Variants in LDLRAD4 observed in about 807,000 individuals in gnomAD.
LDLRAD4 encodes low density lipoprotein receptor class A domain containing 4.
In LDLRAD4, 5 loss-of-function variants were observed where a neutral mutation model predicts 17.0. The ratio of observed to expected loss-of-function variants is 0.29; its 90% CI spans 0.15 to 0.62. The LOEUF is 0.62. Ranked by LOEUF, LDLRAD4 falls within the 20% of genes least tolerant of loss-of-function variation. The pLI is 0.84. For missense variants in LDLRAD4, 340 were observed against 424.7 expected (o/e 0.80, Z 1.75); for synonymous variants, 168 against 171.8 (o/e 0.98, Z 0.17).
intron 1 of LDLRAD4, among the ~76,000 whole-genome samples, chr18:13,320,140 A>G (rs570748017): frequency 9.8e-5 from 15 of 152,380 alleles, no homozygotes; most frequent in African/African-American, 3.4e-4. Context: ...ATATCTGATC[A>G]TAAGATCTTC....
At chr18:13,527,730 G>T (rs375756882) in intron 3 of LDLRAD4, among the ~76,000 whole-genome samples, 2 of 152,164 alleles carry the variant, frequency 1.3e-5, no homozygotes, top group Admixed American at 1.3e-4. Flanking sequence ...AAGTAGAATG[G>T]CCCAAGCAGT....
At chr18:13,276,066 T>A (rs1461291792), upstream of LDLRAD4, among the ~76,000 whole-genome samples, 1 of 152,202 alleles carries the variant, frequency 6.6e-6, no homozygotes, top group East Asian at 1.9e-4. Context: ...TGGAGTGCAG[T>A]GGGTCGATCT....
intron 1 of LDLRAD4, among the ~76,000 whole-genome samples, chr18:13,371,534 C>G (rs1006020032): frequency 1.3e-5 from 2 of 152,036 alleles, no homozygotes; most frequent in African/African-American, 4.8e-5. Context: ...TTTGGGAGGC[C>G]GAAGCGGGTG....
rs1601765271 is a variant in LDLRAD4 at position 13,621,731 on chromosome 18, A to G, written c.336+460A>G. ...AACGTGCCGGCAGCACATGGGTGCC[A>G]TGAGCTGGAGGACGCCTGGAGCTTA... On this transcript the variant is annotated intron_variant, in intron 4 of 5. Coordinates refer to ENST00000359446, the Ensembl canonical transcript of LDLRAD4. The surrounding 1 kb of genome is among the most constrained non-coding windows in gnomAD (Gnocchi z 5.5). Among the ~76,000 whole-genome samples, 1 of 152,262 alleles carries G rather than the reference A, an allele frequency of 6.6e-6. No homozygotes were observed. Among genetic ancestry groups the G allele is most frequent in the South Asian group, 2.1e-4 (1 of 4,818 alleles).
At chr18:13,601,662 A>AG (rs1201188329) in intron 3 of LDLRAD4, among the ~76,000 whole-genome samples, 1 of 150,900 alleles carries the variant, frequency 6.6e-6, no homozygotes, top group Non-Finnish European at 1.5e-5. Context: ...TGAAAAAAAA[A>AG]AAAAGAAAAA....
At position 13,387,663 on chromosome 18, in the gene LDLRAD4, C is replaced by T. The variant is rs1363728226; in HGVS notation, c.-60C>T. The T allele has an allele frequency of 1.8e-5, 28 of 1,523,282 alleles. No homozygotes were observed. In the East Asian group the frequency reaches 2.9e-4, roughly 16 times the overall value. 94.4% of individuals were successfully genotyped at this position (1,523,282 alleles called of 1,614,324 possible). The stretch of plus-strand genomic sequence containing the variant: ...AGATGGAAGTGACCTGAGCCTCGCC[C>T]GGCGGCTTCCTCGACGGGACAGCGC... On this transcript the variant is annotated 5_prime_UTR_variant, in exon 2 of 6. Transcript: ENST00000359446.
intron 1 of LDLRAD4, among the ~76,000 whole-genome samples, chr18:13,346,046 A>AT (rs1350754944): frequency 1.3e-5 from 2 of 152,070 alleles, no homozygotes; most frequent in African/African-American, 2.4e-5. Flanking sequence ...GGATTCATTG[A>AT]TTTTTTGAAG....
At chr18:13,370,618 C>T (rs6505810) in intron 1 of LDLRAD4, among the ~76,000 whole-genome samples, 76,564 of 151,598 alleles carry the variant, frequency 0.51, 21,278 homozygotes, top group Non-Finnish European at 0.63. Flanking sequence ...AGAGAAACCG[C>T]GGGAAATGCT....
intron 3 of LDLRAD4, among the ~76,000 whole-genome samples, chr18:13,594,665 C>CAAAAAAAAAAAAAAAAAAAA (rs56035558): frequency 1.5e-3 from 43 of 29,588 alleles, no homozygotes; most frequent in African/African-American, 1.8e-3. Flanking sequence ...GATTCCATCT[C>CAAAAAAAAAAAAAAAAAAAA]AAAAAAAAAA....
rs765684389 is a variant in LDLRAD4, at chr18:13,495,863, C to T, written c.181+57479C>T. On this transcript the variant is annotated intron_variant, in intron 3 of 5. Coordinates refer to ENST00000359446, the Ensembl canonical transcript of LDLRAD4. ...GCCACTGCGCAGTGTTCAGAGAGCG[C>T]GAAGACCTCCATCACCTTCTAGCTC... 7.9e-5 allele frequency among the ~76,000 whole-genome samples: 12 copies of T among 152,188 alleles called. No individual in the cohort carries two copies. In the South Asian group the frequency reaches 8.3e-4, roughly 11 times the overall value.
At chr18:13,575,425 T>G (rs1174153074) in intron 3 of LDLRAD4, among the ~76,000 whole-genome samples, 2 of 152,256 alleles carry the variant, frequency 1.3e-5, no homozygotes, top group African/African-American at 4.8e-5. Flanking sequence ...CTGAGTAGTA[T>G]TCCATGGTGT....
chr18:13,554,708 C>A (rs867926855), intron 3 of LDLRAD4, among the ~76,000 whole-genome samples: 33 of 152,130 alleles, frequency 2.2e-4, no homozygotes, highest in Admixed American at 1.6e-3. Context: ...TATTTTAATA[C>A]CTTTGACCAT....
chr18:13,391,831 T>A (rs2086294902), intron 2 of LDLRAD4, among the ~76,000 whole-genome samples: 1 of 152,240 alleles, frequency 6.6e-6, no homozygotes, highest in Admixed American at 6.5e-5. Context: ...GATCATTCCC[T>A]TTTAACATTA....
chr18:13,415,679 C>A (rs1033211619), intron 2 of LDLRAD4, among the ~76,000 whole-genome samples: 5 of 152,230 alleles, frequency 3.3e-5, no homozygotes, highest in Non-Finnish European at 7.3e-5. Context: ...CTCACCCCCC[C>A]AGGACGGTCC....
chr18:13,614,832 A>G (rs1013010046), intron 3 of LDLRAD4: 5 of 152,236 alleles, frequency 3.3e-5, no homozygotes, highest in African/African-American at 1.2e-4. Flanking sequence ...TCACAGAGCC[A>G]TAAATAAAGA....
At chr18:13,325,977 C>T (rs2081514525) in intron 1 of LDLRAD4, among the ~76,000 whole-genome samples, 1 of 151,924 alleles carries the variant, frequency 6.6e-6, no homozygotes, top group Non-Finnish European at 1.5e-5. Flanking sequence ...CTGTATTAGC[C>T]AGGATGTTCT....
At chr18:13,551,476 G>T (rs1216198403) in intron 3 of LDLRAD4, among the ~76,000 whole-genome samples, 1 of 152,194 alleles carries the variant, frequency 6.6e-6, no homozygotes, top group East Asian at 1.9e-4. Context: ...CCCAGGGCAC[G>T]TGTGATAAAG....
chr18:13,534,524 T>C (rs775031053), intron 3 of LDLRAD4, among the ~76,000 whole-genome samples: 4 of 152,122 alleles, frequency 2.6e-5, no homozygotes, highest in Non-Finnish European at 4.4e-5. Flanking sequence ...CTTTATAATC[T>C]TTCTTGAAGA....
At chr18:13,259,157 C>G (rs1308553303) in intron 1 of LDLRAD4, among the ~76,000 whole-genome samples, 1 of 152,094 alleles carries the variant, frequency 6.6e-6, no homozygotes, top group Non-Finnish European at 1.5e-5. Flanking sequence ...TTGTGGATTC[C>G]TTCCTTCCTT....
Sources: gnomAD v4.1 joint callset for allele counts (sites outside exome capture counted in the v4.1 genomes callset) on GRCh38, gnomAD v4.1.1 for gene constraint, Gnocchi (gnomAD v3.1) non-coding constraint, MANE v1.5 for transcripts, NCBI Gene and HGNC (gene_info 2026-07-23, HGNC 2026-07-21) for gene names.